The following EFCAB6 variants were observed in gnomAD, a reference collection of about 807,000 sequenced individuals.
The protein encoded by EFCAB6 is EF-hand calcium binding domain 6.
In EFCAB6, 156 loss-of-function variants were observed where a neutral mutation model predicts 169.8. That is an observed-to-expected ratio of 0.92 (90% CI 0.81 to 1.05). EFCAB6 has a LOEUF of 1.05. Ranked by LOEUF, EFCAB6 falls within the 50% of genes least tolerant of loss-of-function variation. The pLI is 0.00. For synonymous variants in EFCAB6, 698 were observed against 676.4 expected (o/e 1.03, Z -0.50); for missense variants, 1,800 against 1,829.1 (o/e 0.98, Z 0.29).
intron 23 of EFCAB6, among the ~76,000 whole-genome samples, chr22:43,594,275 C>CAAAAAAAAAAAA (rs750560174): frequency 4.8e-4 from 39 of 81,456 alleles, no homozygotes; most frequent in East Asian, 1.0e-3. Flanking sequence ...AACTCTGTTT[C>CAAAAAAAAAAAA]AAAAAAAAAA....
At chr22:43,662,766 C>T (rs1208740679) in intron 17 of EFCAB6, among the ~76,000 whole-genome samples, 1 of 152,230 alleles carries the variant, frequency 6.6e-6, no homozygotes, top group Non-Finnish European at 1.5e-5. Context: ...CTAGTCTACC[C>T]ACCAAGCCAG....
chr22:43,811,248 C>G (rs2063108085), intron 1 of EFCAB6, among the ~76,000 whole-genome samples: 1 of 142,690 alleles, frequency 7.0e-6, no homozygotes, highest in South Asian at 2.5e-4. Context: ...GCACTCCAGC[C>G]TGGGTGACAG....
intron 25 of EFCAB6, among the ~76,000 whole-genome samples, chr22:43,577,749 C>T (rs1258971191): frequency 1.3e-5 from 2 of 152,096 alleles, no homozygotes; most frequent in East Asian, 3.9e-4. Flanking sequence ...TGAAGAGGAG[C>T]CTCCTGCAAA....
chr22:43,632,010 G>C (rs1254801166), intron 19 of EFCAB6, 95 bp downstream of exon 19: 17 of 1,516,676 alleles, frequency 1.1e-5, no homozygotes, highest in Non-Finnish European at 1.5e-5. Flanking sequence ...GGCTGACTGG[G>C]ACATGACCTA....
chr22:43,635,511 C>T (rs2055324709), intron 17 of EFCAB6, among the ~76,000 whole-genome samples: 1 of 152,160 alleles, frequency 6.6e-6, no homozygotes, highest in Non-Finnish European at 1.5e-5. Flanking sequence ...TCCAAGATAC[C>T]CAAAGCCACA....
intron 24 of EFCAB6, among the ~76,000 whole-genome samples, chr22:43,589,136 G>A (rs2051274741): frequency 6.6e-6 from 1 of 151,928 alleles, no homozygotes; most frequent in African/African-American, 2.4e-5. Context: ...AGGGACATTG[G>A]CCGGGTGTGG....
At chr22:43,809,757 G>A (rs2063042639) in intron 1 of EFCAB6, among the ~76,000 whole-genome samples, 1 of 152,102 alleles carries the variant, frequency 6.6e-6, no homozygotes, top group East Asian at 1.9e-4. Flanking sequence ...ACAGGTGCCT[G>A]CCACCATGCC....
At chr22:43,801,878 T>C (rs1193625079) in intron 2 of EFCAB6, among the ~76,000 whole-genome samples, 1 of 152,100 alleles carries the variant, frequency 6.6e-6, no homozygotes, top group Admixed American at 6.6e-5. Flanking sequence ...ACAATAACAC[T>C]GAATGTTCAT....
intron 20 of EFCAB6, among the ~76,000 whole-genome samples, chr22:43,622,224 A>C (rs769541499): frequency 7.2e-5 from 11 of 152,190 alleles, no homozygotes; most frequent in Non-Finnish European, 1.6e-4. Context: ...CATGACTTTT[A>C]TTATTCTTAG....
intron 22 of EFCAB6, among the ~76,000 whole-genome samples, chr22:43,607,699 G>A (rs2053019402): frequency 6.6e-6 from 1 of 152,184 alleles, no homozygotes; most frequent in African/African-American, 2.4e-5. Context: ...GAAAATCTGG[G>A]AAATGGTATG....
At chr22:43,671,077 C>T (rs1035984290) in intron 15 of EFCAB6, among the ~76,000 whole-genome samples, 2 of 152,248 alleles carry the variant, frequency 1.3e-5, no homozygotes, top group African/African-American at 4.8e-5. Flanking sequence ...CCCAGCTGCA[C>T]AGTCTCAGCT....
Position 43,690,610 on chromosome 22 carries a change from CCTT to C in EFCAB6, c.1032-3032_1032-3030del, listed in dbSNP as rs369649568. Among the ~76,000 whole-genome samples the C allele has an allele frequency of 1.6e-4, 24 of 152,172 alleles. No individual in the cohort carries two copies. The East Asian group carries it at 1.9e-3, about 12-fold the overall frequency. On this transcript the variant is annotated intron_variant, in intron 10 of 31. Transcript: ENST00000262726. ...CTGCTCTTAGGATAGAAACGACACT[CCTT>C]CTGAAACGTACAAGCCTGCAATGGT... is the stretch of plus-strand genomic sequence containing the variant.
intron 9 of EFCAB6, among the ~76,000 whole-genome samples, chr22:43,712,685 G>C (rs529162012): frequency 2.9e-4 from 44 of 152,338 alleles, no homozygotes; most frequent in African/African-American, 1.0e-3. Context: ...AAGACTTGGA[G>C]AGAGAAGCAA....
At position 43,747,937 on chromosome 22, in the gene EFCAB6, C is replaced by T. The variant is rs137934181; in HGVS notation, c.507+7829G>A. On this transcript the variant is annotated intron_variant, in intron 6 of 31. Coordinates refer to ENST00000262726, the MANE Select transcript of EFCAB6 (RefSeq NM_022785.4). ...CCTCCTGATCTAGGTGATATACCGCCCAATAAACACATTTTTAAACCATCA... is the reference window on the plus strand; with the variant it reads ...CCTCCTGATCTAGGTGATATACCGCTCAATAAACACATTTTTAAACCATCA... Among the ~76,000 whole-genome samples, 643 of 152,268 alleles carry T rather than the reference C, an allele frequency of 4.2e-3. 2 individuals are homozygous for T. Among genetic ancestry groups the T allele is most frequent in the Middle Eastern group, 0.027 (8 of 294 alleles).
intron 10 of EFCAB6, among the ~76,000 whole-genome samples, chr22:43,710,724 G>A (rs1016659899): frequency 2.6e-5 from 4 of 152,180 alleles, no homozygotes; most frequent in African/African-American, 9.7e-5. Context: ...TGGTTGATAA[G>A]ATCACGAAAA....
At chr22:43,545,128 C>G (rs985209696) in intron 27 of EFCAB6, among the ~76,000 whole-genome samples, 1 of 151,882 alleles carries the variant, frequency 6.6e-6, no homozygotes, top group African/African-American at 2.4e-5. Context: ...GCTTGGGCAA[C>G]AGAGTGAGAC....
At chr22:43,693,761 A>G (rs1216522393) in intron 10 of EFCAB6, among the ~76,000 whole-genome samples, 2 of 151,918 alleles carry the variant, frequency 1.3e-5, no homozygotes, top group Admixed American at 1.3e-4. Flanking sequence ...TAGTTATTTT[A>G]AAAAAGAATA....
At chr22:43,672,742 G>T (rs1216111154) in intron 13 of EFCAB6, among the ~76,000 whole-genome samples, 2 of 152,150 alleles carry the variant, frequency 1.3e-5, no homozygotes, top group Admixed American at 6.5e-5. Context: ...GGAGGAGAGA[G>T]AGGATCAGGA....
intron 20 of EFCAB6, among the ~76,000 whole-genome samples, chr22:43,622,818 T>C (rs1490242789): frequency 6.6e-6 from 1 of 152,174 alleles, no homozygotes; most frequent in Non-Finnish European, 1.5e-5. Flanking sequence ...AATGTTGAAA[T>C]GAAACACCAC....
Sources: gnomAD v4.1 joint callset for allele counts (sites outside exome capture counted in the v4.1 genomes callset) on GRCh38, gnomAD v4.1.1 for gene constraint, MANE v1.5 for transcripts, NCBI Gene and HGNC (gene_info 2026-07-23, HGNC 2026-07-21) for gene names.